Variants in EPGN observed in about 807,000 individuals in gnomAD.
EPGN encodes the protein epithelial mitogen.
A neutral mutation model predicts 20.7 loss-of-function variants in EPGN; 21 were observed. The observed-to-expected ratio is 1.01, with a 90% CI of 0.72 to 1.46. The LOEUF (loss-of-function observed/expected upper bound fraction) is 1.46. Ranked by LOEUF, EPGN falls within the 40% of genes most tolerant of loss-of-function variation. The pLI, the probability that EPGN is intolerant of heterozygous loss-of-function variation, is 0.00. For synonymous variants in EPGN, 69 were observed against 63.8 expected (o/e 1.08, Z -0.39); for missense variants, 199 against 180.7 (o/e 1.10, Z -0.58).
At chr4:74,313,436 A>G (rs1016753769) in intron 4 of EPGN, 11 of 1,297,094 alleles carry the variant, frequency 8.5e-6, no homozygotes, top group Admixed American at 7.6e-5. Context: ...TATCAAAATT[A>G]TAAATGAGGA....
intron 2 of EPGN, among the ~76,000 whole-genome samples, chr4:74,310,430 C>T (rs1333178749): frequency 2.0e-5 from 2 of 98,834 alleles, no homozygotes; most frequent in African/African-American, 8.0e-5. Context: ...CCATTGCACT[C>T]CAGCCGGGGT....
chr4:74,312,328 G>A (rs1409166977), intron 3 of EPGN, 23 bp downstream of exon 3: 2 of 1,600,322 alleles, frequency 1.2e-6, no homozygotes, highest in Non-Finnish European at 1.7e-6. Flanking sequence ...AAATATCCAA[G>A]TCCTAGAGAC....
rs1217778978 is a variant in EPGN at position 74,312,287 on chromosome 4, T to C, written c.236T>C (p.Leu79Pro). The C allele has an allele frequency of 6.2e-7, 1 of 1,610,550 alleles. No individual in the cohort carries two copies. Among genetic ancestry groups the C allele is most frequent in the African/African-American group, 1.3e-5 (1 of 74,844 alleles). Residue 79 changes from leucine (L) to proline (P), a missense_variant, in exon 3 of 5, where the codon CTA becomes CCA. Leu to Pro is a moderately conservative substitution (Grantham distance 98). Transcript: ENST00000413830. Reference protein sequence around the residue: ...INGACAFHHELEKAICRCFTG... With the variant: ...INGACAFHHEPEKAICRCFTG... ...GGTGCTTGTGCATTCCACCATGAGC[T>C]AGAGAAAGCCATCTGCAGGTAAATG...
At position 74,313,020 on chromosome 4, in the gene EPGN, G is replaced by A; in HGVS notation, c.257G>A (p.Cys86Tyr). The stretch of plus-strand genomic sequence containing the variant: ...AAACTTTTTTTCTTTTTTTAAAGGT[G>A]TTTTACTGGTTATACTGGAGAAAGG... ...HHELEKAICR[C>Y]FTGYTGERCE... The change falls in exon 4 of 5, where the codon TGT (cysteine) becomes TAT (tyrosine). Residue 86 changes from cysteine to tyrosine, a missense_variant and splice_region_variant. Transcript: ENST00000413830. 6.3e-7 allele frequency: 1 copy of A among 1,594,736 alleles called. No individual in the cohort carries two copies. The highest frequency in any genetic ancestry group is 8.5e-7 in the Non-Finnish European group (1 of 1,175,394).
intron 4 of EPGN, chr4:74,314,156 C>T (rs1055871447): frequency 4.4e-6 from 2 of 458,716 alleles, no homozygotes; most frequent in Non-Finnish European, 8.7e-6. Context: ...GTAAGGAAAG[C>T]AGATGGAGCA....
chr4:74,308,501 G>T lies in EPGN; in HGVS notation c.-33G>T, dbSNP rs749344493. ...AACCTTCCACCCGTCAGTCTAGAAG[G>T]ATAAGAGAAAGAAAGTTAAGCAACT... On this transcript the variant is annotated 5_prime_UTR_variant, in exon 1 of 5. Coordinates refer to ENST00000413830, the MANE Select transcript of EPGN (RefSeq NM_001270989.2). 6.3e-7 allele frequency: 1 copy of T among 1,596,388 alleles called. No homozygotes were observed. The highest frequency in any genetic ancestry group is 8.6e-7 in the Non-Finnish European group (1 of 1,167,696).
Position 74,315,565 on chromosome 4 carries a change from T to C in EPGN, c.*928T>C, listed in dbSNP as rs1424309517. ...AGAATTTTTTCACCAGACCACAGCA[T>C]GTGGAAACTTTCTTTATCATTTTTG... On this transcript the variant is annotated 3_prime_UTR_variant, in exon 5 of 5. Transcript: ENST00000413830. Among the ~76,000 whole-genome samples, 1 of 152,216 alleles carries C rather than the reference T, an allele frequency of 6.6e-6. No individual in the cohort carries two copies. Among genetic ancestry groups the C allele is most frequent in the Non-Finnish European group, 1.5e-5 (1 of 68,032 alleles).
rs890084405 is a variant in EPGN, at chr4:74,314,856, A to G, written c.*219A>G. The G allele has an allele frequency of 7.3e-6, 4 of 550,742 alleles. No homozygotes were observed. The highest frequency in any genetic ancestry group is 1.9e-5 in the African/African-American group (1 of 52,186). The allele number at this position is 550,742 out of a possible 1,614,324, so 34.1% of individuals were successfully genotyped here. ...CCAAGTGAACAAGCCTCAGTGACAC[A>G]AGTCAAATTCATAGTTTCACTCTGG... On this transcript the variant is annotated 3_prime_UTR_variant, in exon 5 of 5. Transcript: ENST00000413830.
intron 1 of EPGN, 129 bp from the exon 2 acceptor site, chr4:74,308,964 T>G: frequency 1.4e-6 from 1 of 708,916 alleles, no homozygotes; most frequent in Non-Finnish European, 2.4e-6. Context: ...CCTAGTCACG[T>G]TATGGATTTC....
chr4:74,314,027 A>C, intron 4 of EPGN: 2 of 448,886 alleles, frequency 4.5e-6, no homozygotes, highest in South Asian at 3.2e-5. Flanking sequence ...TTTCCACATT[A>C]CTAAGGTGGC....
chr4:74,311,441 G>A (rs1168901005), intron 2 of EPGN, among the ~76,000 whole-genome samples: 1 of 151,988 alleles, frequency 6.6e-6, no homozygotes, highest in Non-Finnish European at 1.5e-5. Context: ...ATATAAAAAA[G>A]AATGCCTTTT....
intron 2 of EPGN, among the ~76,000 whole-genome samples, chr4:74,309,768 T>A (rs921589788): frequency 7.2e-5 from 11 of 152,204 alleles, no homozygotes; most frequent in Non-Finnish European, 1.5e-4. Context: ...CTCTTGAGCA[T>A]CAGCGTTCTT....
chr4:74,313,038 G>A lies in EPGN; in HGVS notation c.275G>A (p.Gly92Glu). ...AICRCFTGYT[G>E]ERCEHLTLTS... Reference sequence around the variant, plus strand: ...TAAAGGTGTTTTACTGGTTATACTGGAGAAAGGTGTGAGCACTTGACTTTA... The same window carrying A: ...TAAAGGTGTTTTACTGGTTATACTGAAGAAAGGTGTGAGCACTTGACTTTA... Residue 92 changes from glycine to glutamate, a missense_variant, in exon 4 of 5, where the codon GGA becomes GAA. By Grantham distance (98) the Gly-to-Glu change is moderately conservative. Transcript: ENST00000413830. The A allele has an allele frequency of 6.2e-7, 1 of 1,609,938 alleles. No individual in the cohort carries two copies. Among genetic ancestry groups the A allele is most frequent in the Non-Finnish European group, 8.5e-7 (1 of 1,179,096 alleles).
chr4:74,314,109 G>A (rs1464046784), intron 4 of EPGN: 1 of 456,350 alleles, frequency 2.2e-6, no homozygotes, highest in African/African-American at 2.0e-5. Context: ...AGTTGAGGGA[G>A]TACTCTACCT....
chr4:74,314,524 C>T, intron 4 of EPGN, 56 bp from the exon 5 acceptor site: 1 of 1,507,266 alleles, frequency 6.6e-7, no homozygotes. Context: ...ATGTAAGCTT[C>T]AATGACCTAT....
In EPGN at chr4:74,309,118, A is replaced by G. The variant is rs1560577878; in HGVS notation, c.69A>G (p.Ala23=). 1 of 1,613,624 alleles carries G rather than the reference A, an allele frequency of 6.2e-7. No individual in the cohort carries two copies. Among genetic ancestry groups the G allele is most frequent in the Non-Finnish European group, 8.5e-7 (1 of 1,179,636 alleles). ...CAATGACAGCACTGACCGAAGAGGC[A>G]GCCGTGACTGTAACACCTCCAATCA... is the stretch of plus-strand genomic sequence containing the variant. ...FNAMTALTEE[A]AVTVTPPITA... Residue 23 remains alanine (A), a synonymous_variant, in exon 2 of 5, where the codon GCA becomes GCG. Transcript: ENST00000413830.
chr4:74,315,886 A>C lies in EPGN; in HGVS notation c.*1249A>C, dbSNP rs1191400909. ...ACAATCACTTGAACCCAGGAGGCAG[A>C]GGTTGTAGTGAGCCGAGATGGCAAC... On this transcript the variant is annotated 3_prime_UTR_variant, in exon 5 of 5. Coordinates refer to ENST00000413830, the MANE Select transcript of EPGN (RefSeq NM_001270989.2). 6.6e-6 allele frequency among the ~76,000 whole-genome samples: 1 copy of C among 150,480 alleles called. No homozygotes were observed. Among genetic ancestry groups the C allele is most frequent in the Non-Finnish European group, 1.5e-5 (1 of 67,782 alleles).
intron 2 of EPGN, among the ~76,000 whole-genome samples, chr4:74,309,509 C>T (rs1578781746): frequency 6.6e-6 from 1 of 152,134 alleles, no homozygotes; most frequent in Non-Finnish European, 1.5e-5. Flanking sequence ...CCCATTTTGG[C>T]ATTCTTGATG....
intron 4 of EPGN, 193 bp from the exon 5 acceptor site, chr4:74,314,387 G>A: frequency 1.6e-6 from 1 of 616,384 alleles, no homozygotes; most frequent in Non-Finnish European, 2.9e-6. Flanking sequence ...AGTTGGCTAT[G>A]GGCAGACCTT....
Sources: allele counts gnomAD v4.1 joint callset (sites outside exome capture counted in the v4.1 genomes callset), GRCh38; gene constraint gnomAD v4.1.1; transcripts MANE v1.5; gene names NCBI Gene and HGNC (gene_info 2026-07-23, HGNC 2026-07-21).